TENM1: variants seen among roughly 807,000 people sequenced by gnomAD.
TENM1 encodes teneurin transmembrane protein 1, also known as teneurin-1.
A neutral mutation model predicts 174.8 loss-of-function variants in TENM1; 35 were observed. The ratio of observed to expected loss-of-function variants is 0.20; its 90% CI spans 0.15 to 0.27. The LOEUF (loss-of-function observed/expected upper bound fraction) is 0.27, where lower values mean the gene tolerates loss of function less well. Among genes scored for constraint, TENM1 ranks in the 10% least tolerant of loss-of-function variants. The probability of loss-of-function intolerance (pLI) is 1.00; values close to 1 mark genes in which losing one functional copy is unlikely to be tolerated. For synonymous variants in TENM1, 781 were observed against 798.7 expected (o/e 0.98, Z 0.37); for missense variants, 1,633 against 2,130.1 (o/e 0.77, Z 4.59).
At chrX:124,485,714 A>G (rs1183787978) in intron 21 of TENM1, among the ~76,000 whole-genome samples, 3 of 111,628 alleles carry the variant, frequency 2.7e-5, no homozygotes, top group Non-Finnish European at 5.6e-5. Context: ...AGAATTAGCA[A>G]TCTCCTCAAA....
intron 3 of TENM1, among the ~76,000 whole-genome samples, chrX:124,870,988 T>G: frequency 8.9e-6 from 1 of 111,841 alleles, no homozygotes; most frequent in East Asian, 2.8e-4. Flanking sequence ...TATCTTTTTT[T>G]TGTGGTGATA....
Position 124,836,637 on chromosome X carries a change from C to T in TENM1, c.535+57659G>A, listed in dbSNP as rs191771747. Among the ~76,000 whole-genome samples, 7 of 112,262 alleles carry T rather than the reference C, an allele frequency of 6.2e-5. No homozygotes were observed. In the East Asian group the frequency reaches 2.0e-3, roughly 32 times the overall value. The stretch of plus-strand genomic sequence containing the variant: ...CATGAGACTAGACAGCTCCCGATAG[C>T]GGGATTTAACATTAGTCCTCTGTGT... On this transcript the variant is annotated intron_variant, in intron 3 of 31. Transcript: ENST00000422452.
At chrX:124,852,079 C>T (rs753926814) in intron 3 of TENM1, among the ~76,000 whole-genome samples, 8 of 110,642 alleles carry the variant, frequency 7.2e-5, no homozygotes, top group East Asian at 2.9e-4. Flanking sequence ...AAGAAGCTGT[C>T]GGTCTGGAGT....
chrX:124,716,890 G>A (rs1011759569), intron 4 of TENM1, among the ~76,000 whole-genome samples: 1 of 111,430 alleles, frequency 9.0e-6, no homozygotes, highest in African/African-American at 3.3e-5. Context: ...GTAGAATCAT[G>A]GGAGAGACGA....
chrX:124,794,155 G>GC lies in TENM1; in HGVS notation c.536-56959dup, dbSNP rs1427053143. On this transcript the variant is annotated intron_variant, in intron 3 of 31. Transcript: ENST00000422452. ...TGATATTTTGAGTAGAGCCATCAATGCCTGAATCCAAAGGAATAAGCATTC... is the reference window on the plus strand; with the variant it reads ...TGATATTTTGAGTAGAGCCATCAATGCCCTGAATCCAAAGGAATAAGCATTC... Among the ~76,000 whole-genome samples, 3 of 111,012 alleles carry GC rather than the reference G, an allele frequency of 2.7e-5. No homozygotes were observed. In the East Asian group the frequency reaches 8.5e-4, roughly 31 times the overall value.
chrX:124,771,922 G>A (rs190193592), intron 3 of TENM1, among the ~76,000 whole-genome samples: 2 of 111,643 alleles, frequency 1.8e-5, no homozygotes, highest in East Asian at 5.6e-4. Flanking sequence ...TGTATTAAGT[G>A]TTAAGTCCAT....
the TENM1 span, among the ~76,000 whole-genome samples, chrX:125,177,492 A>C: frequency 8.9e-6 from 1 of 112,517 alleles, no homozygotes; most frequent in Admixed American, 9.4e-5. Context: ...CTTTGTACAT[A>C]TTTCAGAATT....
chrX:125,106,566 C>T, the TENM1 span, among the ~76,000 whole-genome samples: 46 of 110,336 alleles, frequency 4.2e-4, 1 homozygote, highest in East Asian at 5.8e-3. Context: ...CCCGCCACCA[C>T]GCCCGGCTAA....
chrX:124,809,992 T>C (rs1416048994), intron 3 of TENM1, among the ~76,000 whole-genome samples: 1 of 110,690 alleles, frequency 9.0e-6, no homozygotes, highest in Non-Finnish European at 1.9e-5. Flanking sequence ...ACCAGACCAC[T>C]GCCCCAACAT....
At chrX:124,509,930 G>T (rs2047543865) in intron 18 of TENM1, among the ~76,000 whole-genome samples, 1 of 109,903 alleles carries the variant, frequency 9.1e-6, no homozygotes, top group Non-Finnish European at 1.9e-5. Context: ...CACTATGTTG[G>T]CAAGGCTGGT....
At chrX:124,658,217 C>T (rs1436010659) in intron 6 of TENM1, among the ~76,000 whole-genome samples, 3 of 111,056 alleles carry the variant, frequency 2.7e-5, no homozygotes, top group South Asian at 7.6e-4. Context: ...CGTGAACTAT[C>T]GAAGAGAAAT....
chrX:125,122,711 A>G, the TENM1 span, among the ~76,000 whole-genome samples: 1 of 111,370 alleles, frequency 9.0e-6, no homozygotes. Flanking sequence ...TAAGAAAACT[A>G]TGGGTTCAGG....
intron 19 of TENM1, among the ~76,000 whole-genome samples, chrX:124,498,123 GT>G (rs1363260847): frequency 9.0e-6 from 1 of 111,322 alleles, no homozygotes; most frequent in Admixed American, 9.6e-5. Flanking sequence ...TAATCATCTT[GT>G]GAGTGGTTGT....
chrX:124,408,417 T>C (rs2060488096), intron 25 of TENM1, among the ~76,000 whole-genome samples: 1 of 111,777 alleles, frequency 8.9e-6, no homozygotes, highest in African/African-American at 3.3e-5. Flanking sequence ...GTGCTGGTAT[T>C]ACAGGCGTGA....
At chrX:124,447,718 C>A (rs2147827678) in intron 23 of TENM1, among the ~76,000 whole-genome samples, 1 of 111,403 alleles carries the variant, frequency 9.0e-6, no homozygotes, top group African/African-American at 3.3e-5. Context: ...GGTTTTCCAC[C>A]TAATTGCCAG....
chrX:124,802,829 C>T (rs1013817941), intron 3 of TENM1, among the ~76,000 whole-genome samples: 1 of 111,931 alleles, frequency 8.9e-6, no homozygotes, highest in Non-Finnish European at 1.9e-5. Flanking sequence ...AACTATTGTA[C>T]TGCAAAGTAG....
intron 3 of TENM1, among the ~76,000 whole-genome samples, chrX:124,880,964 A>T (rs2057292681): frequency 8.9e-6 from 1 of 111,895 alleles, no homozygotes; most frequent in African/African-American, 3.2e-5. Flanking sequence ...TTGCATGTAT[A>T]TTCATCAGGG....
At chrX:124,695,847 A>C (rs974706968) in intron 5 of TENM1, among the ~76,000 whole-genome samples, 1 of 110,721 alleles carries the variant, frequency 9.0e-6, no homozygotes, top group Non-Finnish European at 1.9e-5. Context: ...TTAATAGTTC[A>C]TTGATTCAAA....
the TENM1 span, among the ~76,000 whole-genome samples, chrX:125,050,328 CA>C: frequency 2.8e-5 from 3 of 108,454 alleles, no homozygotes; most frequent in Non-Finnish European, 5.7e-5. Context: ...CACCCCACAA[CA>C]GGCTCCGGTG....
Sources: allele counts gnomAD v4.1 joint callset (sites outside exome capture counted in the v4.1 genomes callset), GRCh38; gene constraint gnomAD v4.1.1; transcripts MANE v1.5; gene names NCBI Gene and HGNC (gene_info 2026-07-23, HGNC 2026-07-21).